PPP6R2: variants seen among roughly 807,000 people sequenced by gnomAD.
PPP6R2 encodes the protein serine/threonine-protein phosphatase 6 regulatory subunit 2.
Under a neutral mutation model 100.2 loss-of-function variants are expected in PPP6R2, and 62 were observed. The observed-to-expected ratio is 0.62, with a 90% CI of 0.50 to 0.76. The LOEUF (loss-of-function observed/expected upper bound fraction) is 0.76. Ranked by LOEUF, PPP6R2 falls within the 30% of genes least tolerant of loss-of-function variation. The probability of loss-of-function intolerance (pLI) is 0.00; values close to 1 mark genes in which losing one functional copy is unlikely to be tolerated. For missense variants in PPP6R2, 1,142 were observed against 1,276.3 expected (o/e 0.89, Z 1.60); for synonymous variants, 525 against 514.7 (o/e 1.02, Z -0.27).
chr22:50,352,139 C>T (rs2045434312), intron 1 of PPP6R2, among the ~76,000 whole-genome samples: 1 of 150,834 alleles, frequency 6.6e-6, no homozygotes, highest in South Asian at 2.1e-4. Flanking sequence ...CGGGGTTTCA[C>T]CATGTTGGCC....
chr22:50,338,097 G>A, the PPP6R2 span, among the ~76,000 whole-genome samples: 2 of 145,960 alleles, frequency 1.4e-5, no homozygotes, highest in Admixed American at 6.8e-5. Flanking sequence ...AGTGTGTGTG[G>A]TGTGTGGTAT....
chr22:50,436,264 C>T (rs1569489850), intron 13 of PPP6R2, 103 bp from the exon 14 acceptor site: 1 of 995,040 alleles, frequency 1.0e-6, no homozygotes, highest in Non-Finnish European at 1.5e-6. Flanking sequence ...AGTAGCAGCG[C>T]CCCATCCTCC....
intron 2 of PPP6R2, chr22:50,391,990 C>A (rs2055682532): frequency 6.7e-6 from 1 of 149,012 alleles, no homozygotes; most frequent in Non-Finnish European, 1.5e-5. Flanking sequence ...GGATTCACTT[C>A]TTTCCCTGGA....
intron 1 of PPP6R2, among the ~76,000 whole-genome samples, chr22:50,366,389 C>T (rs1468767700): frequency 6.6e-6 from 1 of 151,400 alleles, no homozygotes; most frequent in Non-Finnish European, 1.5e-5. Context: ...CAGCTCACTG[C>T]AGCCTCCGGG....
the PPP6R2 span, among the ~76,000 whole-genome samples, chr22:50,334,413 T>C: frequency 3.2e-4 from 49 of 152,358 alleles, no homozygotes; most frequent in Admixed American, 1.2e-3. Context: ...TAGGTTATAC[T>C]TGTAGAACAA....
At position 50,433,449 on chromosome 22, in the gene PPP6R2, C is replaced by T. The variant is rs1161909186; in HGVS notation, c.1400+1120C>T. 4.1e-5 allele frequency among the ~76,000 whole-genome samples: 3 copies of T among 74,038 alleles called. 1 individual carries two copies. Among genetic ancestry groups the T allele is most frequent in the Non-Finnish European group, 8.1e-5 (3 of 37,078 alleles). The allele number at this position is 74,038 out of a possible 152,430, so 48.6% of individuals were successfully genotyped here. The stretch of plus-strand genomic sequence containing the variant: ...ATGCTGGGCAGGGGCCGGGCACTTG[C>T]CCTGGAGGTGAACCTGGAGGAGGGC... On this transcript the variant is annotated intron_variant, in intron 12 of 23. Coordinates refer to ENST00000612753, the MANE Select transcript of PPP6R2 (RefSeq NM_001242898.2).
intron 3 of PPP6R2, among the ~76,000 whole-genome samples, chr22:50,399,004 T>C (rs2057585246): frequency 6.6e-6 from 1 of 152,114 alleles, no homozygotes; most frequent in Admixed American, 6.6e-5. Context: ...TCCTAGCACT[T>C]TGGGAGGCTG....
At chr22:50,412,629 CCTTTTTT>C in intron 4 of PPP6R2, among the ~76,000 whole-genome samples, 1 of 125,036 alleles carries the variant, frequency 8.0e-6, no homozygotes, top group African/African-American at 3.1e-5. Flanking sequence ...TTAAATAAGT[CCTTTTTT>C]TTTTTTTTTT....
At chr22:50,436,842 G>A (rs988427136) in intron 14 of PPP6R2, 146 bp from the exon 15 acceptor site, 28 of 705,856 alleles carry the variant, frequency 4.0e-5, no homozygotes, top group African/African-American at 3.9e-4. Context: ...TACACAGCAC[G>A]GCCTCCTGGG....
chr22:50,365,665 C>T (rs1423314170), intron 1 of PPP6R2, among the ~76,000 whole-genome samples: 1 of 140,510 alleles, frequency 7.1e-6, no homozygotes, highest in Non-Finnish European at 1.5e-5. Context: ...TGCGACAGAG[C>T]AAGACTCTGT....
At chr22:50,393,356 G>A (rs889638076) in intron 2 of PPP6R2, 1 of 982,590 alleles carries the variant, frequency 1.0e-6, no homozygotes, top group South Asian at 4.7e-5. Flanking sequence ...CAGCTGTCTT[G>A]ATTTTGACTT....
chr22:50,404,798 C>T (rs985676843), intron 3 of PPP6R2, among the ~76,000 whole-genome samples: 7 of 152,084 alleles, frequency 4.6e-5, no homozygotes, highest in Non-Finnish European at 1.5e-5. Flanking sequence ...TTGCTGGTGT[C>T]AGGACAGGCC....
At chr22:50,406,483 G>T (rs142826123) in intron 3 of PPP6R2, among the ~76,000 whole-genome samples, 1 of 152,214 alleles carries the variant, frequency 6.6e-6, no homozygotes, top group Non-Finnish European at 1.5e-5. Context: ...GGCATGAGGA[G>T]CATAGAAGGT....
chr22:50,416,163 T>C lies in PPP6R2; in HGVS notation c.618+6T>C. 1 of 1,611,798 alleles carries C rather than the reference T, an allele frequency of 6.2e-7. No individual in the cohort carries two copies. Among genetic ancestry groups the C allele is most frequent in the Non-Finnish European group, 8.5e-7 (1 of 1,178,286 alleles). ...ACCCGAGCCAGGATGAAGATGTGAG[T>C]GTGCTGCTTACCGAGCTTCGTGCAT... is the stretch of plus-strand genomic sequence containing the variant. On this transcript the variant is annotated splice_donor_region_variant and intron_variant, in intron 6 of 23. Transcript: ENST00000612753.
chr22:50,438,820 C>T (rs1164085187), intron 19 of PPP6R2, 58 bp downstream of exon 19: 21 of 1,480,212 alleles, frequency 1.4e-5, no homozygotes, highest in South Asian at 2.5e-5. Flanking sequence ...CATGGTACCC[C>T]GGCCTGGGTG....
At chr22:50,371,891 C>T (rs2050307745) in intron 1 of PPP6R2, 129 bp from the exon 2 acceptor site, 1 of 152,226 alleles carries the variant, frequency 6.6e-6, no homozygotes, top group Non-Finnish European at 1.5e-5. Context: ...GCCGCCTTGG[C>T]CTCCCATTCT....
chr22:50,437,231 C>A (rs1388450812), intron 15 of PPP6R2, among the ~76,000 whole-genome samples, 163 bp downstream of exon 15: 3 of 152,204 alleles, frequency 2.0e-5, no homozygotes, highest in Non-Finnish European at 4.4e-5. Flanking sequence ...GGGAGAACCC[C>A]AAAGTCACTC....
chr22:50,373,795 A>T (rs886108419), intron 2 of PPP6R2, among the ~76,000 whole-genome samples: 3 of 151,430 alleles, frequency 2.0e-5, no homozygotes, highest in Admixed American at 6.6e-5. Context: ...GTGCAATGGC[A>T]TGACCTTGAC....
intron 3 of PPP6R2, among the ~76,000 whole-genome samples, chr22:50,405,873 G>A (rs1284297218): frequency 7.6e-5 from 10 of 131,688 alleles, no homozygotes; most frequent in South Asian, 2.7e-4. Flanking sequence ...GGAGAGAGGT[G>A]AGAGGCCTGG....
Sources: gnomAD v4.1 joint callset for allele counts (sites outside exome capture counted in the v4.1 genomes callset) on GRCh38, gnomAD v4.1.1 for gene constraint, MANE v1.5 for transcripts, NCBI Gene and HGNC (gene_info 2026-07-23, HGNC 2026-07-21) for gene names.